Variants in KATNIP observed in about 807,000 individuals in gnomAD.
KATNIP encodes katanin-interacting protein.
A neutral mutation model predicts 174.0 loss-of-function variants in KATNIP; 126 were observed. The observed-to-expected ratio is 0.72, with a 90% confidence interval of 0.63 to 0.84. The LOEUF is 0.84. KATNIP is among the 40% of genes least tolerant of loss of function. The pLI is 0.00. For missense variants in KATNIP, 1,958 were observed against 2,109.7 expected, an observed-to-expected ratio of 0.93 and a Z score of 1.41; for synonymous variants, 810 against 835.7, an observed-to-expected ratio of 0.97 and a Z score of 0.53.
At chr16:27,702,586 G>T (rs1224633961) in intron 11 of KATNIP, among the ~76,000 whole-genome samples, 3 of 152,188 alleles carry the variant, frequency 2.0e-5, no homozygotes, top group Non-Finnish European at 4.4e-5. Flanking sequence ...GCGAGAAGGG[G>T]CTGAAATCCA....
chr16:27,775,581 C>G (rs2082467574), intron 24 of KATNIP, among the ~76,000 whole-genome samples: 1 of 152,250 alleles, frequency 6.6e-6, no homozygotes, highest in Non-Finnish European at 1.5e-5. Context: ...CTCAGTTTCC[C>G]AGATCTCAAA....
chr16:27,701,839 G>C (rs2079111241), intron 11 of KATNIP, 144 bp downstream of exon 11: 1 of 626,454 alleles, frequency 1.6e-6, no homozygotes, highest in South Asian at 1.9e-5. Flanking sequence ...CTGTTGCCCA[G>C]GCTGGAGTGC....
chr16:27,568,001 A>G (rs1156877821), intron 1 of KATNIP, among the ~76,000 whole-genome samples: 1 of 152,242 alleles, frequency 6.6e-6, no homozygotes, highest in Non-Finnish European at 1.5e-5. Context: ...AAATAAAAAC[A>G]ATATTAAAAA....
chr16:27,598,133 T>TCC (rs1353399391), intron 2 of KATNIP, among the ~76,000 whole-genome samples: 2 of 151,478 alleles, frequency 1.3e-5, no homozygotes, highest in East Asian at 3.9e-4. Flanking sequence ...GGAGGCTACT[T>TCC]AGGAGGCTGA....
chr16:27,640,348 G>T (rs2076754982), intron 5 of KATNIP, among the ~76,000 whole-genome samples: 1 of 152,210 alleles, frequency 6.6e-6, no homozygotes. Context: ...ATCATCCCTT[G>T]CAAGGGCGTG....
chr16:27,669,154 G>C (rs1048002512), intron 6 of KATNIP: 3 of 308,164 alleles, frequency 9.7e-6, no homozygotes, highest in Non-Finnish European at 1.4e-5. Flanking sequence ...ATGTTTGATG[G>C]TCGCCTGATG....
At chr16:27,683,829 C>T (rs950241484) in intron 8 of KATNIP, among the ~76,000 whole-genome samples, 1 of 152,176 alleles carries the variant, frequency 6.6e-6, no homozygotes, top group African/African-American at 2.4e-5. Context: ...TCACCGACTG[C>T]TGTTCAGGTT....
chr16:27,692,328 T>C (rs899915554), intron 8 of KATNIP, among the ~76,000 whole-genome samples: 14 of 152,212 alleles, frequency 9.2e-5, no homozygotes, highest in African/African-American at 3.1e-4. Context: ...GAGAACCATG[T>C]GGTTGGGTGA....
intron 12 of KATNIP, among the ~76,000 whole-genome samples, chr16:27,707,368 C>T (rs1218668876): frequency 6.6e-6 from 1 of 152,198 alleles, no homozygotes; most frequent in African/African-American, 2.4e-5. Flanking sequence ...GGCATTCACG[C>T]AGGCTCTCAG....
At chr16:27,583,725 G>A (rs2090780977) in intron 2 of KATNIP, among the ~76,000 whole-genome samples, 1 of 152,254 alleles carries the variant, frequency 6.6e-6, no homozygotes, top group Non-Finnish European at 1.5e-5. Flanking sequence ...ATGTCTGTCA[G>A]CTTCTGTTTA....
intron 2 of KATNIP, among the ~76,000 whole-genome samples, chr16:27,582,413 A>C (rs553187505): frequency 6.6e-6 from 1 of 152,350 alleles, no homozygotes; most frequent in Non-Finnish European, 1.5e-5. Flanking sequence ...GGCAGAGAAG[A>C]ACAAAATCTA....
At chr16:27,722,126 C>A (rs2080269297) in intron 14 of KATNIP, among the ~76,000 whole-genome samples, 1 of 152,172 alleles carries the variant, frequency 6.6e-6, no homozygotes, top group Non-Finnish European at 1.5e-5. Context: ...TGCTAAAATG[C>A]AGGTTCTAAT....
chr16:27,744,153 C>T (rs963632829), intron 15 of KATNIP, among the ~76,000 whole-genome samples: 9 of 152,116 alleles, frequency 5.9e-5, no homozygotes, highest in African/African-American at 2.2e-4. Flanking sequence ...AAGGTACAGG[C>T]CAGCCTACCA....
chr16:27,618,263 T>G lies in KATNIP; in HGVS notation c.64-162T>G, dbSNP rs561611531. On this transcript the variant is annotated intron_variant, in intron 2 of 27. Transcript: ENST00000261588. Reference sequence around the variant, plus strand: ...AGACCCATGGGGCCATCAGACAGTCTCTGGGGCTCCAGGTCGCTGGAGCAA... The same window carrying G: ...AGACCCATGGGGCCATCAGACAGTCGCTGGGGCTCCAGGTCGCTGGAGCAA... Among the ~76,000 whole-genome samples the G allele has an allele frequency of 8.5e-5, 13 of 152,234 alleles. No individual in the cohort carries two copies. The South Asian group carries it at 2.7e-3, about 32-fold the overall frequency.
chr16:27,570,678 C>T (rs1443675347), intron 1 of KATNIP, among the ~76,000 whole-genome samples: 1 of 152,128 alleles, frequency 6.6e-6, no homozygotes, highest in African/African-American at 2.4e-5. Flanking sequence ...TCTTGGGTCC[C>T]AGTCTACCTG....
In KATNIP at chr16:27,721,707, G is replaced by A. The variant is rs1301984640; in HGVS notation, c.1743+12G>A. On this transcript the variant is annotated intron_variant, in intron 14 of 27. Coordinates refer to ENST00000261588, the MANE Select transcript of KATNIP (RefSeq NM_015202.5). ...GGACAGCTGATGGCGTAAGTAACAG[G>A]CGCTGGTTCCCCACTGGGCACTGGG... 1.9e-6 allele frequency: 3 copies of A among 1,612,706 alleles called. No homozygotes were observed. The highest frequency in any genetic ancestry group is 2.5e-6 in the Non-Finnish European group (3 of 1,179,554).
In KATNIP at chr16:27,777,598, G is replaced by A. The variant is rs753500426; in HGVS notation, c.4552-12G>A. On this transcript the variant is annotated splice_polypyrimidine_tract_variant and intron_variant, in intron 25 of 27. Coordinates refer to ENST00000261588, the MANE Select transcript of KATNIP (RefSeq NM_015202.5). This position sits in a 1 kb window ranked among gnomAD's most constrained non-coding sequence, Gnocchi z 4.4. ...GAGGGGGACCCATGAGTCCTGCCCC[G>A]TGTCCCTGCAGCTCCTGGTGGACGA... The A allele has an allele frequency of 1.7e-5, 28 of 1,600,558 alleles. No homozygotes were observed. Among genetic ancestry groups the A allele is most frequent in the East Asian group, 4.5e-5 (2 of 44,760 alleles).
chr16:27,628,527 C>G (rs1596987912), intron 3 of KATNIP, 134 bp from the exon 4 acceptor site: 12 of 949,172 alleles, frequency 1.3e-5, no homozygotes, highest in East Asian at 9.9e-5. Flanking sequence ...TGTAGACAAA[C>G]AGCTGGGCAC....
chr16:27,720,317 C>T (rs1285794784), intron 13 of KATNIP, among the ~76,000 whole-genome samples: 1 of 152,038 alleles, frequency 6.6e-6, no homozygotes, highest in Non-Finnish European at 1.5e-5. Context: ...TCTCGAGCTC[C>T]TGACCTCAGG....
Sources: allele counts gnomAD v4.1 joint callset (sites outside exome capture counted in the v4.1 genomes callset), GRCh38; gene constraint gnomAD v4.1.1; non-coding constraint Gnocchi (gnomAD v3.1); transcripts MANE v1.5; gene names NCBI Gene and HGNC (gene_info 2026-07-23, HGNC 2026-07-21).